CDKL3: variants seen among roughly 807,000 people sequenced by gnomAD.
CDKL3 encodes cyclin dependent kinase like 3.
CDKL3 carries 65 observed loss-of-function variants against 69.3 expected under a neutral mutation model. That is an observed-to-expected ratio of 0.94 (90% CI 0.77 to 1.15). The LOEUF is 1.15. CDKL3 is among the 50% of genes most tolerant of loss of function. CDKL3 has a pLI of 0.00. For synonymous variants in CDKL3, 202 were observed against 221.6 expected (o/e 0.91, Z 0.79); for missense variants, 652 against 689.2 (o/e 0.95, Z 0.61).
At chr5:134,365,412 A>T (rs777167865) in intron 2 of CDKL3, among the ~76,000 whole-genome samples, 18 of 150,560 alleles carry the variant, frequency 1.2e-4, no homozygotes, top group Non-Finnish European at 2.5e-4. Flanking sequence ...GAGCCACCGC[A>T]CCCGGCCTCA....
chr5:134,285,351 G>T (rs181251068), downstream of CDKL3, among the ~76,000 whole-genome samples: 3 of 152,198 alleles, frequency 2.0e-5, no homozygotes, highest in Non-Finnish European at 4.4e-5. Flanking sequence ...AAATCTTGGC[G>T]GAGGTTCCCA....
upstream of CDKL3, chr5:134,371,384 C>T (rs763428763): frequency 2.6e-4 from 174 of 682,134 alleles, no homozygotes; most frequent in Non-Finnish European, 3.6e-4. Flanking sequence ...GCCCCCTCCT[C>T]CCCCAGCACT....
At chr5:134,335,965 A>T (rs924938457) in intron 4 of CDKL3, among the ~76,000 whole-genome samples, 23 of 152,084 alleles carry the variant, frequency 1.5e-4, no homozygotes, top group Non-Finnish European at 2.6e-4. Context: ...CACCAATCAA[A>T]CGTAGATTTG....
chr5:134,365,457 T>C (rs1212237792), intron 2 of CDKL3, among the ~76,000 whole-genome samples: 1 of 152,030 alleles, frequency 6.6e-6, no homozygotes, highest in Admixed American at 6.6e-5. Flanking sequence ...ATACAGCATG[T>C]TCTAACTTTA....
rs763766979 is a variant in CDKL3, at chr5:134,326,811, G to A, written c.540-4908C>T. Among the ~76,000 whole-genome samples, 105 of 87,326 alleles carry A rather than the reference G, an allele frequency of 1.2e-3. 1 individual carries two copies. In the Middle Eastern group the frequency reaches 0.016, roughly 13 times the overall value. 57.3% of individuals were successfully genotyped at this position (87,326 alleles called of 152,430 possible). On this transcript the variant is annotated intron_variant, in intron 4 of 12. Transcript: ENST00000265334. ...AAAGCGTGTGTGTATATATATATAT[G>A]TGTGTGTATATATATATATATATAT... is the stretch of plus-strand genomic sequence containing the variant.
intron 4 of CDKL3, among the ~76,000 whole-genome samples, chr5:134,342,619 A>G (rs1220291440): frequency 1.3e-5 from 2 of 152,026 alleles, no homozygotes; most frequent in South Asian, 2.1e-4. Context: ...AAAGAAAAAG[A>G]AAAAGAAAAA....
At chr5:134,333,891 G>A (rs1776406846) in intron 4 of CDKL3, among the ~76,000 whole-genome samples, 1 of 152,166 alleles carries the variant, frequency 6.6e-6, no homozygotes, top group Non-Finnish European at 1.5e-5. Flanking sequence ...AATGGTACCA[G>A]CTCCTGTTTG....
At chr5:134,314,140 C>T (rs1770362852) in intron 6 of CDKL3, among the ~76,000 whole-genome samples, 2 of 151,850 alleles carry the variant, frequency 1.3e-5, no homozygotes, top group South Asian at 2.1e-4. Flanking sequence ...AGCAAAGCTC[C>T]GTCTCAAAAA....
intron 4 of CDKL3, among the ~76,000 whole-genome samples, chr5:134,332,180 A>G (rs1213110895): frequency 3.9e-5 from 6 of 152,134 alleles, no homozygotes; most frequent in Non-Finnish European, 4.4e-5. Flanking sequence ...TTCTTTGTAG[A>G]TTCTGGATAT....
chr5:134,303,087 G>A (rs576884500), intron 11 of CDKL3, among the ~76,000 whole-genome samples: 41 of 151,814 alleles, frequency 2.7e-4, no homozygotes, highest in African/African-American at 9.7e-4. Context: ...TAAATCTTAA[G>A]TTCATAAATT....
At chr5:134,305,309 C>T (rs1767514925) in intron 10 of CDKL3, among the ~76,000 whole-genome samples, 1 of 151,946 alleles carries the variant, frequency 6.6e-6, no homozygotes, top group African/African-American at 2.4e-5. Flanking sequence ...CAGACAGGGT[C>T]CGTTATGTCG....
downstream of CDKL3, chr5:134,298,255 G>A (rs1310040875): frequency 4.1e-6 from 4 of 985,170 alleles, no homozygotes; most frequent in Non-Finnish European, 4.8e-6. Flanking sequence ...TTAAAACAAC[G>A]GCTCAAATAT....
In CDKL3 at chr5:134,327,443, A is replaced by G. The variant is rs79672953; in HGVS notation, c.540-5540T>C. 0.023 allele frequency among the ~76,000 whole-genome samples: 3,475 copies of G among 152,298 alleles called. 314 individuals carry two copies. The East Asian group carries it at 0.31, about 14-fold the overall frequency. ...AGAGATTTTGCCTGGGGGAAGAAGC[A>G]AGCCATAAATTAGATGGCTCCTAAT... On this transcript the variant is annotated intron_variant, in intron 4 of 12. Transcript: ENST00000265334.
downstream of CDKL3, among the ~76,000 whole-genome samples, chr5:134,295,210 G>T (rs570798481): frequency 2.8e-4 from 43 of 151,860 alleles, no homozygotes; most frequent in Non-Finnish European, 5.9e-4. Context: ...TAGAGTCAGG[G>T]TTTCACCATG....
At chr5:134,323,675 T>C (rs1250480075) in intron 4 of CDKL3, among the ~76,000 whole-genome samples, 1 of 152,162 alleles carries the variant, frequency 6.6e-6, no homozygotes, top group African/African-American at 2.4e-5. Flanking sequence ...AAACTGAATC[T>C]AGACACAGAC....
chr5:134,343,605 C>A (rs1751082171), intron 4 of CDKL3, among the ~76,000 whole-genome samples: 1 of 152,188 alleles, frequency 6.6e-6, no homozygotes, highest in African/African-American at 2.4e-5. Flanking sequence ...CCATAAACTG[C>A]TCCTAAGATC....
At chr5:134,347,871 T>C (rs1448940848) in intron 4 of CDKL3, among the ~76,000 whole-genome samples, 1 of 151,768 alleles carries the variant, frequency 6.6e-6, no homozygotes, top group African/African-American at 2.4e-5. Flanking sequence ...CCTGGAAGGG[T>C]TGGGAGGAAA....
chr5:134,292,131 T>C (rs1765148634), intron 8 of CDKL3, among the ~76,000 whole-genome samples: 1 of 152,186 alleles, frequency 6.6e-6, no homozygotes, highest in African/African-American at 2.4e-5. Flanking sequence ...CTTGACCTAA[T>C]TGACATTTAT....
intron 3 of CDKL3, among the ~76,000 whole-genome samples, chr5:134,359,184 G>C (rs769395843): frequency 6.6e-6 from 1 of 152,010 alleles, no homozygotes; most frequent in Non-Finnish European, 1.5e-5. Flanking sequence ...GACAAACACC[G>C]AGATGTTTTA....
Sources: allele counts gnomAD v4.1 joint callset (sites outside exome capture counted in the v4.1 genomes callset), GRCh38; gene constraint gnomAD v4.1.1; transcripts MANE v1.5; gene names NCBI Gene and HGNC (gene_info 2026-07-23, HGNC 2026-07-21).